Variants in ZBTB20 observed in about 807,000 individuals in gnomAD.
ZBTB20 encodes zinc finger and BTB domain-containing protein 20.
A neutral mutation model predicts 56.9 loss-of-function variants in ZBTB20; 9 were observed. The ratio of observed to expected loss-of-function variants is 0.16; its 90% CI spans 0.10 to 0.28. The LOEUF (loss-of-function observed/expected upper bound fraction) is 0.28, where lower values mean the gene tolerates loss of function less well. Among genes scored for constraint, ZBTB20 ranks in the 10% least tolerant of loss-of-function variants. ZBTB20 has a pLI of 1.00. For synonymous variants in ZBTB20, 417 were observed against 420.7 expected (o/e 0.99, Z 0.11); for missense variants, 655 against 1,003.0 (o/e 0.65, Z 4.69).
At chr3:115,106,519 C>A (rs1415475736) in intron 1 of ZBTB20, among the ~76,000 whole-genome samples, 1 of 152,128 alleles carries the variant, frequency 6.6e-6, no homozygotes, top group Non-Finnish European at 1.5e-5. Context: ...AAGCATGAGC[C>A]ACTGTGCCCG....
chr3:114,558,492 A>G (rs866683184), intron 6 of ZBTB20, among the ~76,000 whole-genome samples: 3 of 152,160 alleles, frequency 2.0e-5, no homozygotes, highest in African/African-American at 4.8e-5. Flanking sequence ...ATGCTACATG[A>G]TTCATCTCAT....
chr3:114,469,795 T>C (rs1190064102), intron 7 of ZBTB20, among the ~76,000 whole-genome samples: 1 of 152,178 alleles, frequency 6.6e-6, no homozygotes, highest in Non-Finnish European at 1.5e-5. Flanking sequence ...TATCATGATG[T>C]TCAAATTGCC....
At chr3:115,118,510 C>T (rs1432667247) in intron 1 of ZBTB20, among the ~76,000 whole-genome samples, 8 of 152,124 alleles carry the variant, frequency 5.3e-5, no homozygotes, top group Admixed American at 3.3e-4. Flanking sequence ...GGTCAACCAG[C>T]GCACTTAACA....
intron 7 of ZBTB20, among the ~76,000 whole-genome samples, chr3:114,449,359 C>T (rs998248545): frequency 6.6e-6 from 1 of 152,028 alleles, no homozygotes; most frequent in Non-Finnish European, 1.5e-5. Flanking sequence ...TTATCTCCAC[C>T]ATAACTATAA....
At chr3:115,043,702 G>A (rs989806890) in intron 2 of ZBTB20, among the ~76,000 whole-genome samples, 6 of 151,914 alleles carry the variant, frequency 3.9e-5, no homozygotes, top group Non-Finnish European at 8.8e-5. Context: ...AGAATTTTGA[G>A]ATATAAAGTT....
chr3:114,968,398 A>T (rs1359673685), intron 3 of ZBTB20, among the ~76,000 whole-genome samples: 5 of 152,354 alleles, frequency 3.3e-5, no homozygotes, highest in African/African-American at 1.2e-4. Context: ...ATCTAATATA[A>T]ACTGAATGCA....
At chr3:114,680,915 C>T (rs2061931771) in intron 6 of ZBTB20, among the ~76,000 whole-genome samples, 1 of 152,148 alleles carries the variant, frequency 6.6e-6, no homozygotes, top group Non-Finnish European at 1.5e-5. Context: ...CACACTAATG[C>T]ATGAGTGCCT....
chr3:115,068,238 C>A (rs1375094020), intron 2 of ZBTB20, among the ~76,000 whole-genome samples: 1 of 151,612 alleles, frequency 6.6e-6, no homozygotes, highest in African/African-American at 2.4e-5. Context: ...ATAAAGGCTG[C>A]GATTTTCTGG....
intron 5 of ZBTB20, among the ~76,000 whole-genome samples, chr3:114,773,166 T>G (rs764321508): frequency 6.6e-6 from 1 of 152,110 alleles, no homozygotes; most frequent in Non-Finnish European, 1.5e-5. Flanking sequence ...TTTCAGAGTT[T>G]CCTCCAGTTA....
At chr3:114,751,709 G>C (rs538393311) in intron 5 of ZBTB20, among the ~76,000 whole-genome samples, 1 of 152,032 alleles carries the variant, frequency 6.6e-6, no homozygotes, top group Non-Finnish European at 1.5e-5. Flanking sequence ...ATCACAAATT[G>C]TTGCAACAAA....
Position 114,316,626 on chromosome 3 carries a change from C to A in ZBTB20, c.*22379G>T. On this transcript the variant is annotated 3_prime_UTR_variant, in exon 12 of 12. Coordinates refer to ENST00000675478, the MANE Select transcript of ZBTB20 (RefSeq NM_001348800.3). Reference sequence around the variant, plus strand: ...AGACACTAGCACATGCTTAACTTTCCCCTGCTCCCTCTGTATATTTTAAAC... The same window carrying A: ...AGACACTAGCACATGCTTAACTTTCACCTGCTCCCTCTGTATATTTTAAAC... The A allele has an allele frequency of 1.9e-6, 1 of 520,010 alleles. No homozygotes were observed. The highest frequency in any genetic ancestry group is 3.9e-6 in the Non-Finnish European group (1 of 254,076). 32.2% of individuals were successfully genotyped at this position (520,010 alleles called of 1,614,324 possible). A position where few individuals can be genotyped will look rare whatever the true frequency, so the allele number is the denominator to read the frequency against.
chr3:114,756,483 G>A (rs1047448423), intron 5 of ZBTB20, among the ~76,000 whole-genome samples: 1 of 152,096 alleles, frequency 6.6e-6, no homozygotes, highest in Non-Finnish European at 1.5e-5. Context: ...GGCTTAATCA[G>A]CCTAATAAAG....
intron 5 of ZBTB20, among the ~76,000 whole-genome samples, chr3:114,696,682 T>C (rs2063039406): frequency 6.6e-6 from 1 of 151,976 alleles, no homozygotes; most frequent in South Asian, 2.1e-4. Context: ...ACAACAGGGA[T>C]GAAGGACTTA....
chr3:114,901,519 T>C (rs560041586), intron 3 of ZBTB20, among the ~76,000 whole-genome samples: 2 of 152,278 alleles, frequency 1.3e-5, no homozygotes, highest in East Asian at 3.9e-4. Context: ...CAAAGTTCAA[T>C]ATTTTTACTC....
At chr3:114,447,986 G>A (rs966053892) in intron 7 of ZBTB20, among the ~76,000 whole-genome samples, 2 of 152,148 alleles carry the variant, frequency 1.3e-5, no homozygotes, top group African/African-American at 4.8e-5. Flanking sequence ...CTTGGAAGTA[G>A]AAAGTCATTG....
At chr3:114,742,066 A>G (rs959638630) in intron 5 of ZBTB20, among the ~76,000 whole-genome samples, 2 of 152,096 alleles carry the variant, frequency 1.3e-5, no homozygotes, top group African/African-American at 4.8e-5. Flanking sequence ...AGCAATCAAG[A>G]ATAGGGGCAT....
intron 1 of ZBTB20, among the ~76,000 whole-genome samples, chr3:115,119,615 A>G (rs1207699847): frequency 6.6e-6 from 1 of 152,200 alleles, no homozygotes; most frequent in Non-Finnish European, 1.5e-5. Flanking sequence ...AGTGCTAGGT[A>G]CATGGGAAGC....
chr3:114,984,251 A>G (rs2078444065), intron 2 of ZBTB20, among the ~76,000 whole-genome samples: 1 of 152,016 alleles, frequency 6.6e-6, no homozygotes, highest in South Asian at 2.1e-4. Flanking sequence ...AAAATCAATT[A>G]TACATATATA....
At chr3:114,757,853 G>A (rs1488298476) in intron 5 of ZBTB20, among the ~76,000 whole-genome samples, 1 of 151,924 alleles carries the variant, frequency 6.6e-6, no homozygotes, top group Non-Finnish European at 1.5e-5. Context: ...TAAAACATGA[G>A]AGTCATCTGA....
Sources: gnomAD v4.1 joint callset for allele counts (sites outside exome capture counted in the v4.1 genomes callset) on GRCh38, gnomAD v4.1.1 for gene constraint, MANE v1.5 for transcripts, NCBI Gene and HGNC (gene_info 2026-07-23, HGNC 2026-07-21) for gene names.